Variants in LRIG1 observed in about 807,000 individuals in gnomAD.
LRIG1 encodes leucine rich repeats and immunoglobulin like domains 1.
Under a neutral mutation model 99.2 loss-of-function variants are expected in LRIG1, and 48 were observed. That is an observed-to-expected ratio of 0.48 (90% CI 0.38 to 0.62). The LOEUF is 0.62. LRIG1 is among the 20% of genes least tolerant of loss of function. The pLI, the probability that LRIG1 is intolerant of heterozygous loss-of-function variation, is 0.00. For synonymous variants in LRIG1, 772 were observed against 596.1 expected (o/e 1.29, Z -4.30); for missense variants, 1,646 against 1,434.4 (o/e 1.15, Z -2.38).
chr3:66,434,959 T>C (rs896766089), intron 3 of LRIG1, among the ~76,000 whole-genome samples: 2 of 152,160 alleles, frequency 1.3e-5, no homozygotes, highest in East Asian at 3.9e-4. Flanking sequence ...TGAAAATTTA[T>C]GTTCACACAC....
chr3:66,456,357 G>C (rs1439196623), intron 2 of LRIG1, among the ~76,000 whole-genome samples: 3 of 152,122 alleles, frequency 2.0e-5, no homozygotes, highest in Non-Finnish European at 4.4e-5. Context: ...CAAGGCAGGA[G>C]GATCATTTAA....
In LRIG1 at chr3:66,383,264, C is replaced by G; in HGVS notation, c.2209G>C (p.Glu737Gln). 1 of 1,614,126 alleles carries G rather than the reference C, an allele frequency of 6.2e-7. No homozygotes were observed. The highest frequency in any genetic ancestry group is 8.5e-7 in the Non-Finnish European group (1 of 1,179,922). The change falls in exon 15 of 19, where the codon GAG (glutamate) becomes CAG (glutamine). Residue 737 changes from glutamate (E) to glutamine (Q), a missense_variant. Coordinates refer to ENST00000273261, the MANE Select transcript of LRIG1 (RefSeq NM_015541.3). ...FKGDRPLSLT[E>Q]RHHLTPDNQL... ...TTGTCAGGGGTCAAGTGGTGCCGCT[C>G]AGTGAGGCTCAGCGGGCGGTCCCCC...
intron 11 of LRIG1, among the ~76,000 whole-genome samples, chr3:66,395,099 G>T (rs558576921): frequency 6.6e-5 from 10 of 152,326 alleles, no homozygotes; most frequent in Non-Finnish European, 1.0e-4. Flanking sequence ...TAGCTGCCTT[G>T]TTCCTGGAAG....
chr3:66,438,259 G>T (rs149955303), intron 3 of LRIG1, among the ~76,000 whole-genome samples: 3 of 152,256 alleles, frequency 2.0e-5, no homozygotes, highest in African/African-American at 2.4e-5. Context: ...CAGCTCAGCC[G>T]GCCTTCTCCA....
At chr3:66,456,605 C>T (rs1292330400) in intron 2 of LRIG1, among the ~76,000 whole-genome samples, 3 of 149,712 alleles carry the variant, frequency 2.0e-5, no homozygotes, top group East Asian at 3.9e-4. Context: ...GATAGTAATT[C>T]ACAGCCAAAA....
chr3:66,457,312 T>C (rs1029998513), intron 2 of LRIG1, among the ~76,000 whole-genome samples: 3 of 152,096 alleles, frequency 2.0e-5, no homozygotes, highest in African/African-American at 7.3e-5. Flanking sequence ...ACAGCCTCTT[T>C]CTGTCTCCAC....
rs1480682892 is a variant in LRIG1 at position 66,440,652 on chromosome 3, G to GCTTGC, written c.365+10902_365+10906dup. ...CCTCAGAGCACAGCAGCAAAAGCAG[G>GCTTGC]CTTGCCTTGCCCACAACCCCAAAGG... On this transcript the variant is annotated intron_variant, in intron 3 of 18. Coordinates refer to ENST00000273261, the MANE Select transcript of LRIG1 (RefSeq NM_015541.3). 7.2e-5 allele frequency among the ~76,000 whole-genome samples: 11 copies of GCTTGC among 152,232 alleles called. No homozygotes were observed. The East Asian group carries it at 2.1e-3, about 29-fold the overall frequency.
intron 1 of LRIG1, among the ~76,000 whole-genome samples, chr3:66,465,672 T>A (rs988918619): frequency 1.3e-5 from 2 of 152,106 alleles, no homozygotes; most frequent in South Asian, 4.1e-4. Flanking sequence ...GGCCTGAGCA[T>A]AATTTTTTTA....
At chr3:66,419,712 C>T (rs1049918685) in intron 3 of LRIG1, among the ~76,000 whole-genome samples, 5 of 152,012 alleles carry the variant, frequency 3.3e-5, no homozygotes, top group Admixed American at 6.5e-5. Flanking sequence ...CAGAGACAGG[C>T]ACAAGAGACC....
At chr3:66,457,928 C>T (rs1208906206) in intron 2 of LRIG1, among the ~76,000 whole-genome samples, 1 of 152,156 alleles carries the variant, frequency 6.6e-6, no homozygotes, top group Non-Finnish European at 1.5e-5. Context: ...AAATCCCATG[C>T]CTCAGTTCCT....
At chr3:66,425,689 G>A (rs1365583364) in intron 3 of LRIG1, among the ~76,000 whole-genome samples, 2 of 152,160 alleles carry the variant, frequency 1.3e-5, no homozygotes, top group Non-Finnish European at 2.9e-5. Flanking sequence ...CAGTGATTCT[G>A]CACTTATGGG....
At chr3:66,469,842 G>T (rs900283630) in intron 1 of LRIG1, among the ~76,000 whole-genome samples, 1 of 151,040 alleles carries the variant, frequency 6.6e-6, no homozygotes, top group Admixed American at 6.6e-5. Flanking sequence ...GGCTAAAGTC[G>T]GGGAATCACT....
At chr3:66,494,912 T>C (rs1370303981) in intron 1 of LRIG1, among the ~76,000 whole-genome samples, 1 of 152,224 alleles carries the variant, frequency 6.6e-6, no homozygotes, top group Non-Finnish European at 1.5e-5. Context: ...AATTGGTCAG[T>C]CGGGACTGCT....
chr3:66,478,735 T>C (rs928699519), intron 1 of LRIG1, among the ~76,000 whole-genome samples: 1 of 152,028 alleles, frequency 6.6e-6, no homozygotes, highest in African/African-American at 2.4e-5. Flanking sequence ...ACTGTACGGG[T>C]CAGCTTTTTT....
At chr3:66,472,380 G>C (rs1700622270) in intron 1 of LRIG1, among the ~76,000 whole-genome samples, 1 of 145,504 alleles carries the variant, frequency 6.9e-6, no homozygotes, top group South Asian at 2.2e-4. Context: ...AACAAGGAAA[G>C]CTTCTTCGAC....
At chr3:66,425,230 C>T (rs2106724162) in intron 3 of LRIG1, among the ~76,000 whole-genome samples, 1 of 152,328 alleles carries the variant, frequency 6.6e-6, no homozygotes, top group South Asian at 2.1e-4. Flanking sequence ...GGCACTGGCC[C>T]AGATTCCACC....
At position 66,410,213 on chromosome 3, in the gene LRIG1, G is replaced by A; in HGVS notation, c.851C>T (p.Ala284Val). Residue 284 changes from alanine to valine, a missense_variant, in exon 7 of 19, where the codon GCC becomes GTC. By Grantham distance (64) the Ala-to-Val change is moderately conservative. Coordinates refer to ENST00000273261, the MANE Select transcript of LRIG1 (RefSeq NM_015541.3). ...GTTGCTGAGGTGGAGCTGATGCAGG[G>A]CCGTGAGGCCGTAGAGCGAGCCGCT... ...VNSGSLYGLT[A>V]LHQLHLSNNS... 6.2e-7 allele frequency: 1 copy of A among 1,614,102 alleles called. No homozygotes were observed. Among genetic ancestry groups the A allele is most frequent in the Non-Finnish European group, 8.5e-7 (1 of 1,179,932 alleles).
chr3:66,446,866 T>C (rs1334253934), intron 3 of LRIG1, among the ~76,000 whole-genome samples: 3 of 150,054 alleles, frequency 2.0e-5, no homozygotes, highest in Admixed American at 6.6e-5. Context: ...AAAAAAAAAT[T>C]AGTTTTCAAA....
intron 3 of LRIG1, among the ~76,000 whole-genome samples, chr3:66,430,530 C>T (rs1703135533): frequency 1.3e-5 from 2 of 152,200 alleles, no homozygotes; most frequent in Non-Finnish European, 2.9e-5. Flanking sequence ...ACACGCCTCC[C>T]CTGGGAGTTC....
Sources: gnomAD v4.1 joint callset for allele counts (sites outside exome capture counted in the v4.1 genomes callset) on GRCh38, gnomAD v4.1.1 for gene constraint, MANE v1.5 for transcripts, NCBI Gene and HGNC (gene_info 2026-07-23, HGNC 2026-07-21) for gene names.